The following RERE variants were observed in gnomAD, a reference collection of about 807,000 sequenced individuals.
RERE encodes the protein arginine-glutamic acid dipeptide repeats.
Under a neutral mutation model 146.1 loss-of-function variants are expected in RERE, and 40 were observed. That is an observed-to-expected ratio of 0.27 (90% CI 0.21 to 0.36). The LOEUF is 0.36. Among genes scored for constraint, RERE ranks in the 10% least tolerant of loss-of-function variants. The pLI is 1.00. For missense variants in RERE, 1,933 were observed against 2,138.7 expected, an observed-to-expected ratio of 0.90 and a Z score of 1.90; for synonymous variants, 1,003 against 866.0, an observed-to-expected ratio of 1.16 and a Z score of -2.78.
chr1:8,735,701 C>A (rs1300465617), intron 1 of RERE, among the ~76,000 whole-genome samples: 1 of 152,086 alleles, frequency 6.6e-6, no homozygotes, highest in Admixed American at 6.5e-5. Flanking sequence ...TGGTTTAGCA[C>A]CATCCCCTCG....
chr1:8,572,994 C>T (rs560306066), intron 4 of RERE, among the ~76,000 whole-genome samples: 110 of 152,226 alleles, frequency 7.2e-4, no homozygotes, highest in Admixed American at 1.3e-3. Flanking sequence ...TTAAATAACC[C>T]TAATGATTCC....
At chr1:8,403,585 C>CA (rs1004977115) in intron 12 of RERE, among the ~76,000 whole-genome samples, 14 of 151,746 alleles carry the variant, frequency 9.2e-5, no homozygotes, top group African/African-American at 3.4e-4. Flanking sequence ...AGGCTAGTCT[C>CA]AAACTCCTGA....
intron 4 of RERE, among the ~76,000 whole-genome samples, chr1:8,584,662 T>G (rs1646405594): frequency 6.6e-6 from 1 of 152,094 alleles, no homozygotes; most frequent in South Asian, 2.1e-4. Flanking sequence ...GAACTAAGAC[T>G]AAATGAGGGT....
At chr1:8,531,876 G>T (rs1645658592) in intron 7 of RERE, among the ~76,000 whole-genome samples, 2 of 152,222 alleles carry the variant, frequency 1.3e-5, no homozygotes, top group South Asian at 4.1e-4. Context: ...GAAACAGGGT[G>T]ACCATAGTCA....
At chr1:8,516,217 T>G (rs1280669834) in intron 7 of RERE, among the ~76,000 whole-genome samples, 1 of 65,182 alleles carries the variant, frequency 1.5e-5, no homozygotes, top group African/African-American at 7.6e-5. Context: ...GGAGCAAGAC[T>G]CTCTCAGAGG....
At chr1:8,794,870 T>G (rs1425799570) in intron 1 of RERE, among the ~76,000 whole-genome samples, 1 of 152,108 alleles carries the variant, frequency 6.6e-6, no homozygotes, top group African/African-American at 2.4e-5. Context: ...TGGAGTGCAG[T>G]GGTGCCATCA....
At chr1:8,711,503 A>G (rs544183385) in intron 1 of RERE, among the ~76,000 whole-genome samples, 4 of 152,328 alleles carry the variant, frequency 2.6e-5, no homozygotes, top group African/African-American at 9.6e-5. Context: ...TAGAGATCTC[A>G]GACTGTGCAG....
intron 1 of RERE, among the ~76,000 whole-genome samples, chr1:8,711,156 C>CAAA (rs1639659099): frequency 5.9e-5 from 1 of 16,866 alleles, no homozygotes; most frequent in Non-Finnish European, 9.2e-5. Flanking sequence ...GACTCTGTCT[C>CAAA]CAAAAAAAAA....
intron 8 of RERE, among the ~76,000 whole-genome samples, chr1:8,505,614 T>C (rs1298316821): frequency 6.6e-6 from 1 of 152,220 alleles, no homozygotes; most frequent in Non-Finnish European, 1.5e-5. Flanking sequence ...CAGTGCTGCT[T>C]CAACCGCCTA....
chr1:8,381,133 C>T (rs932725382), intron 12 of RERE: 6 of 382,782 alleles, frequency 1.6e-5, no homozygotes, highest in African/African-American at 2.1e-5. Flanking sequence ...AGCGAGTTTC[C>T]GATGCGCCTG....
chr1:8,500,196 T>C (rs908454312), intron 8 of RERE, among the ~76,000 whole-genome samples: 14 of 152,196 alleles, frequency 9.2e-5, no homozygotes, highest in Non-Finnish European at 1.8e-4. Flanking sequence ...TTGACACTAG[T>C]ACTGAGTTCT....
chr1:8,789,301 A>AAAAAAAAAAAAAAATATATATATAT, intron 1 of RERE, among the ~76,000 whole-genome samples: 1 of 24,808 alleles, frequency 4.0e-5, no homozygotes, highest in Non-Finnish European at 6.5e-5. Flanking sequence ...AAAAAAAAAA[A>AAAAAAAAAAAAAAATATATATATAT]ATATATATAT....
chr1:8,387,147 A>C (rs912159128), intron 12 of RERE, among the ~76,000 whole-genome samples: 6 of 152,226 alleles, frequency 3.9e-5, no homozygotes, highest in African/African-American at 1.4e-4. Context: ...CAACAGAACA[A>C]AACAGCTTAG....
intron 1 of RERE, among the ~76,000 whole-genome samples, chr1:8,745,153 T>C (rs989547842): frequency 2.6e-5 from 4 of 152,100 alleles, no homozygotes; most frequent in Admixed American, 6.5e-5. Context: ...AGGAGGTGAT[T>C]GGATCACAGG....
intron 4 of RERE, among the ~76,000 whole-genome samples, chr1:8,560,669 C>T (rs1646067454): frequency 6.6e-6 from 1 of 152,172 alleles, no homozygotes; most frequent in African/African-American, 2.4e-5. Context: ...GCATCTAGAA[C>T]TGAGTAGGTG....
intron 21 of RERE, 79 bp from the exon 22 acceptor site, chr1:8,355,678 C>T (rs921766808): frequency 2.8e-5 from 36 of 1,266,480 alleles, no homozygotes; most frequent in South Asian, 5.9e-5. Flanking sequence ...GCACAGCAAA[C>T]GGCAAAGAGC....
intron 4 of RERE, among the ~76,000 whole-genome samples, chr1:8,581,819 C>A (rs749714965): frequency 6.6e-6 from 1 of 152,034 alleles, no homozygotes; most frequent in Non-Finnish European, 1.5e-5. Flanking sequence ...TATAGTATTA[C>A]CAATATTGGA....
chr1:8,752,826 T>C (rs1171157476), intron 1 of RERE, among the ~76,000 whole-genome samples: 2 of 152,170 alleles, frequency 1.3e-5, no homozygotes, highest in African/African-American at 2.4e-5. Flanking sequence ...TTTGTTTTCA[T>C]AGATATTACA....
At chr1:8,750,432 T>C in intron 1 of RERE, 1 of 803,106 alleles carries the variant, frequency 1.2e-6, no homozygotes, top group Non-Finnish European at 2.2e-6. Flanking sequence ...GCTGGAACCA[T>C]GGAGGGTGTT....
Sources: allele counts gnomAD v4.1 joint callset (sites outside exome capture counted in the v4.1 genomes callset), GRCh38; gene constraint gnomAD v4.1.1; transcripts MANE v1.5; gene names NCBI Gene and HGNC (gene_info 2026-07-23, HGNC 2026-07-21).